The following KCNK9 variants were observed in gnomAD, a reference collection of about 807,000 sequenced individuals.
KCNK9 encodes the protein potassium two pore domain channel subfamily K member 9, also known as potassium channel subfamily K member 9.
KCNK9 carries 1 observed loss-of-function variant against 10.8 expected under a neutral mutation model. The observed-to-expected ratio is 0.09, with a 90% CI of 0.03 to 0.44. The LOEUF (loss-of-function observed/expected upper bound fraction) is 0.44. KCNK9 is among the 20% of genes least tolerant of loss of function. KCNK9 has a pLI of 0.97. For synonymous variants in KCNK9, 231 were observed against 222.7 expected, an observed-to-expected ratio of 1.04 and a Z score of -0.33; for missense variants, 303 against 515.0, an observed-to-expected ratio of 0.59 and a Z score of 3.98.
At chr8:139,682,077 G>A (rs1258129704) in intron 1 of KCNK9, among the ~76,000 whole-genome samples, 2 of 152,254 alleles carry the variant, frequency 1.3e-5, no homozygotes, top group Non-Finnish European at 2.9e-5. Context: ...GAGGGGTGCA[G>A]GGAGAAGCCC....
chr8:139,628,361 G>C (rs200719322), intron 1 of KCNK9, among the ~76,000 whole-genome samples: 1 of 152,256 alleles, frequency 6.6e-6, no homozygotes, highest in East Asian at 1.9e-4. Flanking sequence ...CCTGCACAGC[G>C]TGCCGAGGAA....
At chr8:139,608,868 T>C (rs915408474), downstream of KCNK9, among the ~76,000 whole-genome samples, 1 of 152,172 alleles carries the variant, frequency 6.6e-6, no homozygotes, top group African/African-American at 2.4e-5. Context: ...GTTTTGTCTG[T>C]GGTGCTGAGC....
chr8:139,612,756 C>T (rs990518105), downstream of KCNK9: 4 of 152,198 alleles, frequency 2.6e-5, no homozygotes, highest in African/African-American at 7.2e-5. Context: ...GAGAGCCAAA[C>T]ATCAAATGCA....
At chr8:139,625,396 G>GGCCA (rs1317799021) in intron 1 of KCNK9, among the ~76,000 whole-genome samples, 2 of 152,228 alleles carry the variant, frequency 1.3e-5, no homozygotes, top group Non-Finnish European at 2.9e-5. Context: ...GGTCACCTTG[G>GGCCA]GCCAGACCGT....
chr8:139,675,671 C>T lies in KCNK9; in HGVS notation c.283+27039G>A, dbSNP rs116831992. ...AGCCTGTGACATCTTGTTATAGCAG[C>T]CCGAAATAAGACACTCTCAGTCCTT... On this transcript the variant is annotated intron_variant, in intron 1 of 1. Coordinates refer to ENST00000520439, the MANE Select transcript of KCNK9 (RefSeq NM_001282534.2). Among the ~76,000 whole-genome samples, 878 of 152,256 alleles carry T rather than the reference C, an allele frequency of 5.8e-3. 7 individuals carry two copies. The highest frequency in any genetic ancestry group is 0.019 in the African/African-American group (810 of 41,556).
chr8:139,678,536 C>T (rs1444458405), intron 1 of KCNK9, among the ~76,000 whole-genome samples: 4 of 152,248 alleles, frequency 2.6e-5, no homozygotes, highest in African/African-American at 9.6e-5. Flanking sequence ...GGATGAGGCT[C>T]AGGAAGCCAG....
chr8:139,604,810 G>A (rs1436755851), intron 2 of KCNK9, among the ~76,000 whole-genome samples: 1 of 152,218 alleles, frequency 6.6e-6, no homozygotes, highest in Non-Finnish European at 1.5e-5. Flanking sequence ...AGGTAAGCAG[G>A]GAAAGAGGAG....
intron 1 of KCNK9, among the ~76,000 whole-genome samples, chr8:139,672,126 G>A (rs565081735): frequency 2.0e-5 from 3 of 152,260 alleles, no homozygotes; most frequent in East Asian, 1.9e-4. Flanking sequence ...ACCAAGGCTC[G>A]AGACCAGGTT....
At chr8:139,696,694 A>AATGG (rs200315267) in intron 1 of KCNK9, among the ~76,000 whole-genome samples, 449 of 130,782 alleles carry the variant, frequency 3.4e-3, no homozygotes, top group Admixed American at 9.1e-3. Context: ...TGGGTGGATA[A>AATGG]ATGGATGGAT....
intron 1 of KCNK9, among the ~76,000 whole-genome samples, chr8:139,678,327 G>C (rs1816609732): frequency 6.6e-6 from 1 of 152,204 alleles, no homozygotes; most frequent in Non-Finnish European, 1.5e-5. Context: ...TCTGAGACAG[G>C]AACCCACCTC....
chr8:139,698,374 A>T (rs1817118529), intron 1 of KCNK9, among the ~76,000 whole-genome samples: 1 of 152,194 alleles, frequency 6.6e-6, no homozygotes, highest in Non-Finnish European at 1.5e-5. Context: ...GAAAACACAC[A>T]CAGGTAGGGC....
chr8:139,616,960 T>TA (rs1814611857), downstream of KCNK9: 1 of 152,272 alleles, frequency 6.6e-6, no homozygotes, highest in Admixed American at 6.5e-5. Context: ...GGTCATCCCC[T>TA]ATTGAGAGTA....
chr8:139,663,753 C>T (rs751107159), intron 1 of KCNK9, among the ~76,000 whole-genome samples: 3 of 151,926 alleles, frequency 2.0e-5, no homozygotes, highest in Non-Finnish European at 4.4e-5. Context: ...TCGCTGCAAC[C>T]GCCTGAGAGA....
chr8:139,663,815 A>T (rs1456463971), intron 1 of KCNK9, among the ~76,000 whole-genome samples: 1 of 152,144 alleles, frequency 6.6e-6, no homozygotes, highest in Non-Finnish European at 1.5e-5. Flanking sequence ...GAAATGAGAG[A>T]GACAACATTA....
Position 139,702,903 on chromosome 8 carries a change from C to T in KCNK9, c.90G>A (p.Glu30=). 15 of 1,613,780 alleles carry T rather than the reference C, an allele frequency of 9.3e-6. No individual in the cohort carries two copies. The highest frequency in any genetic ancestry group is 1.2e-5 in the Non-Finnish European group (14 of 1,179,940). ...LVGAAVFDAL[E]SDHEMREEEK... Reference sequence around the variant, plus strand: ...CCTCCTCGCGCATCTCGTGGTCCGACTCGAGGGCGTCGAACACGGCGGCGC... The same window carrying T: ...CCTCCTCGCGCATCTCGTGGTCCGATTCGAGGGCGTCGAACACGGCGGCGC... The change falls in exon 1 of 2, where the codon GAG becomes GAA. Residue 30 remains glutamate, a synonymous_variant. Transcript: ENST00000520439. The surrounding 1 kb of genome is among the most constrained non-coding windows in gnomAD (Gnocchi z 7.5).
At chr8:139,621,978 AC>A (rs1814797609) in intron 1 of KCNK9, among the ~76,000 whole-genome samples, 1 of 152,148 alleles carries the variant, frequency 6.6e-6, no homozygotes, top group Non-Finnish European at 1.5e-5. Flanking sequence ...AGGGTCCCCC[AC>A]CCTGACTTCT....
intron 1 of KCNK9, among the ~76,000 whole-genome samples, chr8:139,682,067 G>A (rs538446161): frequency 1.1e-4 from 17 of 152,354 alleles, no homozygotes; most frequent in Admixed American, 2.0e-4. Context: ...TGGGGAGCAC[G>A]AGGGGTGCAG....
chr8:139,642,330 G>A (rs760712941), intron 1 of KCNK9, among the ~76,000 whole-genome samples: 1 of 152,114 alleles, frequency 6.6e-6, no homozygotes, highest in African/African-American at 2.4e-5. Context: ...GCACGAAGAC[G>A]ATTCTACCCC....
intron 2 of KCNK9, among the ~76,000 whole-genome samples, chr8:139,605,966 T>C (rs1259019839): frequency 6.6e-6 from 1 of 152,120 alleles, no homozygotes; most frequent in Non-Finnish European, 1.5e-5. Flanking sequence ...GAAGGTGCCA[T>C]CTCCACAGAG....
Sources: allele counts gnomAD v4.1 joint callset (sites outside exome capture counted in the v4.1 genomes callset), GRCh38; gene constraint gnomAD v4.1.1; non-coding constraint Gnocchi (gnomAD v3.1); transcripts MANE v1.5; gene names NCBI Gene and HGNC (gene_info 2026-07-23, HGNC 2026-07-21).